PLPPR5: variants seen among roughly 807,000 people sequenced by gnomAD.
PLPPR5 encodes the protein phospholipid phosphatase related 5.
In PLPPR5, 16 loss-of-function variants were observed where a neutral mutation model predicts 33.9. The ratio of observed to expected loss-of-function variants is 0.47; its 90% CI spans 0.32 to 0.72. PLPPR5 has a LOEUF of 0.72. PLPPR5 is among the 30% of genes least tolerant of loss of function. PLPPR5 has a pLI of 0.03. For missense variants in PLPPR5, 301 were observed against 406.7 expected (o/e 0.74, Z 2.23); for synonymous variants, 163 against 150.3 (o/e 1.08, Z -0.62).
chr1:98,935,740 G>A (rs970973164), intron 3 of PLPPR5, among the ~76,000 whole-genome samples: 4 of 152,124 alleles, frequency 2.6e-5, no homozygotes, highest in East Asian at 1.9e-4. Context: ...GGTTCCTTTC[G>A]TGTTCCTTAT....
chr1:98,967,262 C>A (rs2101240078), intron 1 of PLPPR5, among the ~76,000 whole-genome samples: 1 of 152,202 alleles, frequency 6.6e-6, no homozygotes, highest in Admixed American at 6.5e-5. Flanking sequence ...AAGAGATGAA[C>A]TGTCCTGAGA....
rs576023315 is a variant in PLPPR5 at position 98,903,489 on chromosome 1, G to C, written c.934-10385C>G. The stretch of plus-strand genomic sequence containing the variant: ...ATATTTGTCTTGGCAAGAAACCACA[G>C]GATTGTTTTGCTATTGCTATGACAC... On this transcript the variant is annotated intron_variant, in intron 5 of 5. Transcript: ENST00000263177. Among the ~76,000 whole-genome samples the C allele has an allele frequency of 8.5e-5, 13 of 152,194 alleles. No individual in the cohort carries two copies. The East Asian group carries it at 1.4e-3, about 16-fold the overall frequency.
intron 1 of PLPPR5, among the ~76,000 whole-genome samples, chr1:98,987,610 G>A (rs1485863602): frequency 6.6e-6 from 1 of 151,800 alleles, no homozygotes; most frequent in African/African-American, 2.4e-5. Context: ...CCTAATGTGT[G>A]ATGCATTCAA....
chr1:98,990,498 T>C (rs1032205762), intron 1 of PLPPR5, among the ~76,000 whole-genome samples: 3 of 152,214 alleles, frequency 2.0e-5, no homozygotes, highest in African/African-American at 7.2e-5. Flanking sequence ...TATAGGAATG[T>C]GAAATAGTAA....
chr1:98,896,694 C>A (rs955356336), intron 5 of PLPPR5, among the ~76,000 whole-genome samples: 1 of 152,048 alleles, frequency 6.6e-6, no homozygotes, highest in African/African-American at 2.4e-5. Flanking sequence ...AAAGCAAACA[C>A]GTTTCTGGGA....
chr1:99,002,861 A>C (rs922774747), intron 1 of PLPPR5, among the ~76,000 whole-genome samples: 1 of 151,802 alleles, frequency 6.6e-6, no homozygotes, highest in Non-Finnish European at 1.5e-5. Context: ...TCTTTAAAAC[A>C]ATCCTTGAAA....
At chr1:98,936,117 C>A (rs1302138064) in intron 3 of PLPPR5, among the ~76,000 whole-genome samples, 1 of 152,140 alleles carries the variant, frequency 6.6e-6, no homozygotes, top group Non-Finnish European at 1.5e-5. Context: ...CCTCAGTTTT[C>A]TCATCTTTAA....
intron 1 of PLPPR5, among the ~76,000 whole-genome samples, chr1:98,988,824 G>T (rs1481052707): frequency 1.3e-5 from 2 of 152,098 alleles, no homozygotes; most frequent in African/African-American, 4.8e-5. Context: ...TGCTATAGTT[G>T]TAATTTCTCA....
intron 1 of PLPPR5, among the ~76,000 whole-genome samples, chr1:98,970,662 G>A (rs1164771988): frequency 2.6e-5 from 4 of 151,844 alleles, no homozygotes; most frequent in African/African-American, 9.7e-5. Context: ...CCCCTATGAG[G>A]TTGATATTAT....
chr1:98,942,339 G>A (rs1317793371), intron 3 of PLPPR5, among the ~76,000 whole-genome samples: 1 of 152,074 alleles, frequency 6.6e-6, no homozygotes, highest in African/African-American at 2.4e-5. Context: ...CACTGCACCC[G>A]GACTACAGTG....
intron 4 of PLPPR5, among the ~76,000 whole-genome samples, chr1:98,917,031 G>A (rs1451157670): frequency 6.6e-6 from 1 of 152,036 alleles, no homozygotes. Flanking sequence ...GGCTGGCAAA[G>A]GTATGACAAT....
rs1648322125 is a variant in PLPPR5, at chr1:98,892,756, A to T, written c.*316T>A. The T allele has an allele frequency of 3.9e-6, 1 of 258,892 alleles. No homozygotes were observed. Among genetic ancestry groups the T allele is most frequent in the African/African-American group, 2.3e-5 (1 of 44,180 alleles). The allele number at this position is 258,892 out of a possible 1,614,324, so 16.0% of individuals were successfully genotyped here. On this transcript the variant is annotated 3_prime_UTR_variant, in exon 6 of 6. Transcript: ENST00000263177. ...TAGAGATTTCTTTTAACATAATTGC[A>T]ATGATTCTGTGAGAAACTAAAGTGA...
chr1:99,002,580 C>A (rs1040841820), intron 1 of PLPPR5, among the ~76,000 whole-genome samples: 4 of 152,020 alleles, frequency 2.6e-5, no homozygotes, highest in African/African-American at 9.7e-5. Context: ...TATGACTATT[C>A]GGTACCCAAA....
intron 5 of PLPPR5, among the ~76,000 whole-genome samples, chr1:98,893,636 TTTTTG>T: frequency 6.6e-6 from 1 of 150,758 alleles, no homozygotes; most frequent in African/African-American, 2.4e-5. Context: ...TTTTTTTTTT[TTTTTG>T]GGAAATCAAC....
intron 1 of PLPPR5, among the ~76,000 whole-genome samples, chr1:98,996,816 C>T (rs913416358): frequency 1.3e-5 from 2 of 151,996 alleles, no homozygotes; most frequent in African/African-American, 4.8e-5. Context: ...TATATATTAA[C>T]AAGCATGTGG....
chr1:98,996,264 C>G (rs1652629907), intron 1 of PLPPR5, among the ~76,000 whole-genome samples: 1 of 151,952 alleles, frequency 6.6e-6, no homozygotes, highest in African/African-American at 2.4e-5. Flanking sequence ...GTATTATACA[C>G]ACACATACAC....
At chr1:98,965,121 T>G (rs1205262172) in intron 1 of PLPPR5, among the ~76,000 whole-genome samples, 2 of 151,920 alleles carry the variant, frequency 1.3e-5, no homozygotes, top group African/African-American at 4.8e-5. Context: ...CCTCACTACT[T>G]TATCTATGCA....
At chr1:98,947,637 T>G (rs1303456854) in intron 3 of PLPPR5, among the ~76,000 whole-genome samples, 3 of 152,252 alleles carry the variant, frequency 2.0e-5, no homozygotes, top group African/African-American at 7.2e-5. Flanking sequence ...TGGAGTAGTG[T>G]GGGGAAAGGG....
intron 1 of PLPPR5, among the ~76,000 whole-genome samples, chr1:98,960,938 A>G (rs1651223827): frequency 6.6e-6 from 1 of 152,184 alleles, no homozygotes; most frequent in South Asian, 2.1e-4. Context: ...AATCTTCTGA[A>G]ACATGGGATA....
Sources: gnomAD v4.1 joint callset for allele counts (sites outside exome capture counted in the v4.1 genomes callset) on GRCh38, gnomAD v4.1.1 for gene constraint, MANE v1.5 for transcripts, NCBI Gene and HGNC (gene_info 2026-07-23, HGNC 2026-07-21) for gene names.